Variants in DNHD1 observed in about 807,000 individuals in gnomAD.
DNHD1 encodes the protein dynein heavy chain domain-containing protein 1.
A neutral mutation model predicts 458.1 loss-of-function variants in DNHD1; 383 were observed. The observed-to-expected ratio is 0.84, with a 90% CI of 0.77 to 0.91. The LOEUF (loss-of-function observed/expected upper bound fraction) is 0.91. DNHD1 is among the 40% of genes least tolerant of loss of function. DNHD1 has a pLI of 0.00. For missense variants in DNHD1, 5,336 were observed against 5,866.1 expected, an observed-to-expected ratio of 0.91 and a Z score of 2.95; for synonymous variants, 2,203 against 2,376.9, an observed-to-expected ratio of 0.93 and a Z score of 2.13.
Position 6,563,121 on chromosome 11 carries a change from T to C in DNHD1, c.9659T>C (p.Phe3220Ser). Residue 3220 changes from phenylalanine to serine, a missense_variant, in exon 29 of 43, where the codon TTC becomes TCC. Transcript: ENST00000254579. ...GCCCTGCAAGCTCAGCGAGAGGCTT[T>C]CCTGGAGCAGGTGGGCTCTTCCTGC... Reference protein sequence around the residue: ...RDALQAQREAFLEQMSKAFLE... With the variant: ...RDALQAQREASLEQMSKAFLE... The C allele has an allele frequency of 6.4e-7, 1 of 1,551,696 alleles. No homozygotes were observed. The highest frequency in any genetic ancestry group is 2.0e-5 in the Admixed American group (1 of 51,006).
At position 6,533,172 on chromosome 11, in the gene DNHD1, G is replaced by T. The variant is rs747988608; in HGVS notation, c.2493G>T (p.Gln831His). 1 of 1,551,484 alleles carries T rather than the reference G, an allele frequency of 6.4e-7. No individual in the cohort carries two copies. Among genetic ancestry groups the T allele is most frequent in the Non-Finnish European group, 8.7e-7 (1 of 1,146,948 alleles). ...TINSDIHAIA[Q>H]CTQKLNEANE... is the part of the protein sequence containing the mutation. ...ACTCAGATATTCATGCCATTGCACA[G>T]TGCACCCAGAAGGTGGGCTCTCCCC... Residue 831 changes from glutamine (Q) to histidine (H), a missense_variant, in exon 13 of 43, where the codon CAG becomes CAT. This residue lies in a region of DNHD1 where 3,932 missense variants were observed against 4,365.6 expected (regional missense o/e 0.90). Transcript: ENST00000254579.
chr11:6,555,228 T>G (rs10839580), intron 24 of DNHD1, among the ~76,000 whole-genome samples: 2,075 of 10,724 alleles, frequency 0.19, 17 homozygotes, highest in Middle Eastern at 0.36. Context: ...CTCTGTCTCT[T>G]TCTCTCTCTG....
In DNHD1 at chr11:6,519,590, A is replaced by G. The variant is rs761010629; in HGVS notation, c.1393-10A>G. The G allele has an allele frequency of 6.8e-6, 11 of 1,613,774 alleles. No homozygotes were observed. On this transcript the variant is annotated splice_polypyrimidine_tract_variant and intron_variant, in intron 7 of 42. Coordinates refer to ENST00000254579, the MANE Select transcript of DNHD1 (RefSeq NM_144666.3). The stretch of plus-strand genomic sequence containing the variant: ...CCCCTATCTGGTGAGTTTCCACTCT[A>G]TGCTCACAGGTTCACGAGGACACAT...
At chr11:6,529,465 A>G (rs1373700793) in intron 12 of DNHD1, among the ~76,000 whole-genome samples, 2 of 152,134 alleles carry the variant, frequency 1.3e-5, no homozygotes, top group East Asian at 1.9e-4. Flanking sequence ...TACGATTTGC[A>G]TATGTAAAAA....
chr11:6,498,988 T>G, intron 3 of DNHD1, 27 bp downstream of exon 3: 1 of 1,540,180 alleles, frequency 6.5e-7, no homozygotes. Context: ...GTCTAGGGCT[T>G]GAGCAGAGGA....
intron 16 of DNHD1, 70 bp downstream of exon 16, chr11:6,538,880 T>C (rs539255162): frequency 7.4e-7 from 1 of 1,348,468 alleles, no homozygotes; most frequent in Non-Finnish European, 9.9e-7. Flanking sequence ...AGCAACTCAG[T>C]TTCCTGCTGC....
chr11:6,529,670 T>A (rs11820366), intron 12 of DNHD1, among the ~76,000 whole-genome samples: 26,374 of 152,076 alleles, frequency 0.17, 2,423 homozygotes, highest in Middle Eastern at 0.23. Flanking sequence ...TCAAATGTCT[T>A]TTCCTCCCTT....
chr11:6,505,556 A>C lies in DNHD1; in HGVS notation c.920+2630A>C, dbSNP rs1852214864. On this transcript the variant is annotated intron_variant, in intron 4 of 42. Transcript: ENST00000254579. The surrounding 1 kb of genome is among the most constrained non-coding windows in gnomAD (Gnocchi z 4.4). The stretch of plus-strand genomic sequence containing the variant: ...GCGTGAGTCACCGCGCCTGGCCTCG[A>C]CATCTTTTTAAAAACACATTCTCTT... Among the ~76,000 whole-genome samples, 1 of 152,092 alleles carries C rather than the reference A, an allele frequency of 6.6e-6. No individual in the cohort carries two copies. The highest frequency in any genetic ancestry group is 1.5e-5 in the Non-Finnish European group (1 of 68,014).
Position 6,548,050 on chromosome 11 carries a change from A to AGGATGGG in DNHD1, c.6905+18_6905+24dup. 3 of 1,551,616 alleles carry AGGATGGG rather than the reference A, an allele frequency of 1.9e-6. No individual in the cohort carries two copies. The highest frequency in any genetic ancestry group is 2.6e-6 in the Non-Finnish European group (3 of 1,146,916). ...CCCACCTTCCCTCCAGGTACCTACCAGGATGGGGGATGGGAGATGCAGAGG... is the reference window on the plus strand; with the variant it reads ...CCCACCTTCCCTCCAGGTACCTACCAGGATGGGGGATGGGGGATGGGAGATGCAGAGG... On this transcript the variant is annotated intron_variant, in intron 22 of 42. Transcript: ENST00000254579. The surrounding 1 kb of genome is among the most constrained non-coding windows in gnomAD (Gnocchi z 4.4).
chr11:6,540,344 C>T (rs537997492), intron 18 of DNHD1, among the ~76,000 whole-genome samples: 2 of 152,098 alleles, frequency 1.3e-5, no homozygotes, highest in African/African-American at 4.8e-5. Flanking sequence ...TTCTGGGTAC[C>T]CTCAGAAATT....
At position 6,545,684 on chromosome 11, in the gene DNHD1, G is replaced by A. The variant is rs1459874425; in HGVS notation, c.4745G>A (p.Arg1582Gln). 20 of 1,551,698 alleles carry A rather than the reference G, an allele frequency of 1.3e-5. No individual in the cohort carries two copies. The highest frequency in any genetic ancestry group is 1.5e-5 in the Non-Finnish European group (17 of 1,147,000). Residue 1582 changes from arginine (R) to glutamine (Q), a missense_variant, in exon 21 of 43, where the codon CGG (arginine) becomes CAG (glutamine). Around this residue, in one of 4 missense-constraint regions of DNHD1, gnomAD observed 3,932 missense variants for 4,365.6 expected, o/e 0.90. Transcript: ENST00000254579. This position sits in a 1 kb window ranked among gnomAD's most constrained non-coding sequence, Gnocchi z 4.9. ...CTGCTGGTCATGGCAGTGACTCACC[G>A]GGATATAGCACAGCTGCTGGAACAG... is the stretch of plus-strand genomic sequence containing the variant. ...SALLVMAVTH[R>Q]DIAQLLEQHQ...
chr11:6,555,750 C>T (rs72901743), intron 24 of DNHD1, among the ~76,000 whole-genome samples: 2,037 of 152,182 alleles, frequency 0.013, 20 homozygotes, highest in Middle Eastern at 0.044. Flanking sequence ...CAAAGCTAAC[C>T]TATAGTGATG....
chr11:6,519,604 A>C lies in DNHD1; in HGVS notation c.1397A>C (p.His466Pro). 1 of 1,614,132 alleles carries C rather than the reference A, an allele frequency of 6.2e-7. No individual in the cohort carries two copies. ...GTTTCCACTCTATGCTCACAGGTTC[A>C]CGAGGACACATACCACATGCAACAG... The part of the protein sequence containing the change: ...NLCTSILRLV[H>P]EDTYHMQQCL... Residue 466 changes from histidine (H) to proline (P), a missense_variant, in exon 8 of 43, where the codon CAC becomes CCC. This residue lies in a region of DNHD1 where 3,932 missense variants were observed against 4,365.6 expected (regional missense o/e 0.90). Transcript: ENST00000254579.
Position 6,545,422 on chromosome 11 carries a change from T to C in DNHD1, c.4483T>C (p.Tyr1495His). The C allele has an allele frequency of 6.4e-7, 1 of 1,551,844 alleles. No homozygotes were observed. Among genetic ancestry groups the C allele is most frequent in the Non-Finnish European group, 8.7e-7 (1 of 1,147,030 alleles). Residue 1495 changes from tyrosine to histidine, a missense_variant, in exon 21 of 43, where the codon TAT becomes CAT. By Grantham distance (83) the Tyr-to-His change is moderately conservative. Transcript: ENST00000254579. The surrounding 1 kb of genome is among the most constrained non-coding windows in gnomAD (Gnocchi z 4.9). ...GCAAAACAAGTTGTACCTGCAACTG[T>C]ATGTCCAGCACTGGATCGACTTAGT... ...PKQNKLYLQL[Y>H]VQHWIDLVQA...
At chr11:6,508,717 T>G (rs1281019940) in intron 4 of DNHD1, 163 bp from the exon 5 acceptor site, 7 of 646,728 alleles carry the variant, frequency 1.1e-5, no homozygotes, top group Non-Finnish European at 1.8e-5. Context: ...AATATTTGTT[T>G]CATCTTTCTA....
chr11:6,546,971 G>A lies in DNHD1; in HGVS notation c.6032G>A (p.Arg2011Gln), dbSNP rs538299715. The A allele has an allele frequency of 1.9e-5, 29 of 1,551,454 alleles. No individual in the cohort carries two copies. The highest frequency in any genetic ancestry group is 4.8e-5 in the South Asian group (4 of 84,020). ...CWHSLFKIQN[R>Q]LAAMEDTSTQ... ...CACAGCTTATTTAAGATCCAGAATC[G>A]GCTGGCAGCCATGGAGGACACCTCA... Residue 2011 changes from arginine to glutamine, a missense_variant, in exon 21 of 43, where the codon CGG becomes CAG. This residue lies in a region of DNHD1 where 3,932 missense variants were observed against 4,365.6 expected (regional missense o/e 0.90). Coordinates refer to ENST00000254579, the MANE Select transcript of DNHD1 (RefSeq NM_144666.3).
In DNHD1 at chr11:6,529,017, GC is replaced by G. The variant is rs1300419252; in HGVS notation, c.2245del (p.Arg749AlafsTer2). On this transcript the variant is annotated frameshift_variant, in exon 12 of 43. Coordinates refer to ENST00000254579, the MANE Select transcript of DNHD1 (RefSeq NM_144666.3). LOFTEE classifies it high-confidence loss of function. ...ATCAAGAACTACGTGACGCTGGTGA[GC>G]CGCCTGAATGTTTGGCAGGCCCGTG... The part of the protein sequence containing the change: ...GPIKNYVTLV[S>X]RLNVWQARVS... 6 of 1,551,490 alleles carry G rather than the reference GC, an allele frequency of 3.9e-6. No homozygotes were observed. The Admixed American group carries it at 9.8e-5, about 25-fold the overall frequency.
intron 18 of DNHD1, among the ~76,000 whole-genome samples, chr11:6,543,098 G>A (rs1853133352): frequency 6.6e-6 from 1 of 152,218 alleles, no homozygotes; most frequent in African/African-American, 2.4e-5. Flanking sequence ...AAGATAGACA[G>A]AGGGGCTGAA....
chr11:6,537,776 CAA>C (rs1852988954), intron 14 of DNHD1, among the ~76,000 whole-genome samples: 1 of 152,078 alleles, frequency 6.6e-6, no homozygotes. Flanking sequence ...ACTAAAAATA[CAA>C]AAATTAGCCT....
Sources: gnomAD v4.1 joint callset for allele counts (sites outside exome capture counted in the v4.1 genomes callset) on GRCh38, gnomAD v4.1.1 for gene constraint, gnomAD v4.1.1 regional missense constraint, Gnocchi (gnomAD v3.1) non-coding constraint, MANE v1.5 for transcripts, NCBI Gene and HGNC (gene_info 2026-07-23, HGNC 2026-07-21) for gene names.